DEPDC5: variants seen among roughly 807,000 people sequenced by gnomAD.
The protein encoded by DEPDC5 is GATOR1 complex protein DEPDC5.
DEPDC5 carries 73 observed loss-of-function variants against 217.3 expected under a neutral mutation model. The observed-to-expected ratio is 0.34, with a 90% CI of 0.28 to 0.41. The LOEUF is 0.41. Ranked by LOEUF, DEPDC5 falls within the 10% of genes least tolerant of loss-of-function variation. DEPDC5 has a pLI of 1.00. For missense variants in DEPDC5, 1,675 were observed against 2,070.1 expected, an observed-to-expected ratio of 0.81 and a Z score of 3.70; for synonymous variants, 733 against 756.7, an observed-to-expected ratio of 0.97 and a Z score of 0.51.
chr22:31,806,025 T>C (rs750866025), intron 17 of DEPDC5, 97 bp from the exon 18 acceptor site: 2 of 998,860 alleles, frequency 2.0e-6, no homozygotes, highest in East Asian at 2.4e-5. Flanking sequence ...ACAAAGCCCA[T>C]GTCAGGAGGG....
At chr22:31,901,905 A>T (rs544585741) in intron 41 of DEPDC5, 103 bp downstream of exon 41, 37 of 1,090,234 alleles carry the variant, frequency 3.4e-5, no homozygotes, top group Non-Finnish European at 4.8e-5. Flanking sequence ...AGAGAAAGGG[A>T]TGTATTCCAC....
At chr22:31,868,514 G>A (rs2092750232) in intron 33 of DEPDC5, among the ~76,000 whole-genome samples, 1 of 152,126 alleles carries the variant, frequency 6.6e-6, no homozygotes, top group Non-Finnish European at 1.5e-5. Flanking sequence ...AGCAACCTCC[G>A]CTTCCCGGGT....
chr22:31,877,962 T>A (rs1602659080), intron 37 of DEPDC5, among the ~76,000 whole-genome samples: 1 of 151,588 alleles, frequency 6.6e-6, no homozygotes, highest in South Asian at 2.1e-4. Context: ...CCGAGGTGGG[T>A]GGATCATGAG....
At position 31,804,848 on chromosome 22, in the gene DEPDC5, A is replaced by G; in HGVS notation, c.1150A>G (p.Asn384Asp). The G allele has an allele frequency of 6.2e-7, 1 of 1,613,824 alleles. No homozygotes were observed. The highest frequency in any genetic ancestry group is 8.5e-7 in the Non-Finnish European group (1 of 1,179,754). Residue 384 changes from asparagine to aspartate, a missense_variant, in exon 17 of 43, where the codon AAT (asparagine) becomes GAT (aspartate). Transcript: ENST00000651528. ...CTCATTTTTCTCCTTGCAGCTCCAT[A>G]ATCGGAGTGCTCCCCGTGATTCTCG... ...LHAVPLFKLHNRSAPRDSRLG... is the reference protein window; with the variant it reads ...LHAVPLFKLHDRSAPRDSRLG...
At chr22:31,806,241 TATC>T in intron 18 of DEPDC5, 50 bp downstream of exon 18, 1 of 1,504,494 alleles carries the variant, frequency 6.6e-7, no homozygotes, top group Non-Finnish European at 9.2e-7. Context: ...GGTCCAGTCT[TATC>T]TTGAGCTCCT....
chr22:31,793,764 G>T (rs1349115036), intron 12 of DEPDC5, among the ~76,000 whole-genome samples: 1 of 151,962 alleles, frequency 6.6e-6, no homozygotes, highest in Non-Finnish European at 1.5e-5. Flanking sequence ...TAGAGATGGG[G>T]TTCGCCATGT....
At chr22:31,754,235 A>G (rs895791399) in intron 1 of DEPDC5, 71 bp downstream of exon 1, 2 of 153,580 alleles carry the variant, frequency 1.3e-5, no homozygotes, top group African/African-American at 4.8e-5. Context: ...CCCAGGTTCG[A>G]GTTCCAGGCT....
intron 7 of DEPDC5, among the ~76,000 whole-genome samples, chr22:31,776,890 C>CT (rs1260353377): frequency 1.4e-4 from 22 of 151,744 alleles, no homozygotes; most frequent in African/African-American, 5.3e-4. Context: ...CTATCTACTT[C>CT]TTGCCCTCAA....
chr22:31,843,665 A>G lies in DEPDC5; in HGVS notation c.2654A>G (p.Gln885Arg), dbSNP rs2091535567. 2 of 1,607,776 alleles carry G rather than the reference A, an allele frequency of 1.2e-6. No individual in the cohort carries two copies. Among genetic ancestry groups the G allele is most frequent in the Non-Finnish European group, 1.7e-6 (2 of 1,174,986 alleles). ...YLPKYPYESAQIHYTYSLCPS... is the reference protein window; with the variant it reads ...YLPKYPYESARIHYTYSLCPS... ...TGCAGGTATCCTTATGAATCTGCCC[A>G]GATCCACTACACCTACAGCCTCTGT... The change falls in exon 29 of 43, where the codon CAG (glutamine) becomes CGG (arginine). Residue 885 changes from glutamine (Q) to arginine (R), a missense_variant. Around this residue, in one of 11 missense-constraint regions of DEPDC5, gnomAD observed 293 missense variants for 386.1 expected, o/e 0.76. Coordinates refer to ENST00000651528, the MANE Select transcript of DEPDC5 (RefSeq NM_001242896.3).
chr22:31,864,512 ATATATATATATATT>A (rs1466926546), intron 33 of DEPDC5, among the ~76,000 whole-genome samples: 7 of 139,178 alleles, frequency 5.0e-5, no homozygotes, highest in Non-Finnish European at 9.3e-5. Context: ...ATATATATAT[ATATATATATATATT>A]TATATATTTA....
chr22:31,825,492 C>T lies in DEPDC5; in HGVS notation c.2104+2702C>T, dbSNP rs115385017. 3.0e-3 allele frequency among the ~76,000 whole-genome samples: 454 copies of T among 152,182 alleles called. 1 individual carries two copies. Among genetic ancestry groups the T allele is most frequent in the African/African-American group, 9.1e-3 (378 of 41,500 alleles). On this transcript the variant is annotated intron_variant, in intron 24 of 42. Coordinates refer to ENST00000651528, the MANE Select transcript of DEPDC5 (RefSeq NM_001242896.3). ...CTGTAGGTGTGTCCACCTGATGGAC[C>T]TCTCTGCTCAGATGGCCCCCAAGTA...
intron 3 of DEPDC5, among the ~76,000 whole-genome samples, chr22:31,759,734 G>T (rs1042996339): frequency 2.1e-5 from 3 of 144,362 alleles, no homozygotes; most frequent in African/African-American, 7.8e-5. Flanking sequence ...CCAGGCTGGA[G>T]TGCAGTGGTG....
rs1423041181 is a variant in DEPDC5, at chr22:31,906,721, C to T, written c.*224C>T. ...CTTTGGAAGCAGCTGCTGCTGCTGC[C>T]ACCACTCCTGTCAGCAAGTGCTCAG... On this transcript the variant is annotated 3_prime_UTR_variant, in exon 43 of 43. Coordinates refer to ENST00000651528, the MANE Select transcript of DEPDC5 (RefSeq NM_001242896.3). The surrounding 1 kb of genome is among the most constrained non-coding windows in gnomAD (Gnocchi z 5.1). The T allele has an allele frequency of 6.5e-6, 4 of 618,536 alleles. No individual in the cohort carries two copies. Among genetic ancestry groups the T allele is most frequent in the South Asian group, 6.1e-5 (3 of 49,166 alleles). 38.3% of individuals were successfully genotyped at this position (618,536 alleles called of 1,614,324 possible).
intron 33 of DEPDC5, among the ~76,000 whole-genome samples, chr22:31,862,492 G>C (rs572902030): frequency 6.6e-6 from 1 of 152,262 alleles, no homozygotes; most frequent in East Asian, 1.9e-4. Flanking sequence ...TTGAACCCAG[G>C]AGGCAGAGGT....
chr22:31,897,477 G>T lies in DEPDC5; in HGVS notation c.4204-5G>T, dbSNP rs562015255. 3.5e-5 allele frequency: 57 copies of T among 1,607,152 alleles called. No homozygotes were observed. The highest frequency in any genetic ancestry group is 4.8e-5 in the Non-Finnish European group (56 of 1,176,158). On this transcript the variant is annotated splice_region_variant and splice_polypyrimidine_tract_variant and intron_variant, in intron 39 of 42. Transcript: ENST00000651528. The stretch of plus-strand genomic sequence containing the variant: ...GATATTGTTTGTTTCTGTACTTTCC[G>T]CCAGGTCCAAGGTTGGCATCGGAAA...
At chr22:31,807,748 G>T (rs1489037879) in intron 18 of DEPDC5, among the ~76,000 whole-genome samples, 2 of 152,128 alleles carry the variant, frequency 1.3e-5, no homozygotes, top group South Asian at 2.1e-4. Context: ...CGAAAAAGTG[G>T]TTTTGATGTA....
rs149750101 is a variant in DEPDC5, at chr22:31,881,638, G to A, written c.4033+1886G>A. Reference sequence around the variant, plus strand: ...AGCAACCTTGTGATTTTATGTCATGGGAGGACCTATTAGAAATAGCAAATA... The same window carrying A: ...AGCAACCTTGTGATTTTATGTCATGAGAGGACCTATTAGAAATAGCAAATA... On this transcript the variant is annotated intron_variant, in intron 38 of 42. Coordinates refer to ENST00000651528, the MANE Select transcript of DEPDC5 (RefSeq NM_001242896.3). Among the ~76,000 whole-genome samples the A allele has an allele frequency of 2.2e-3, 341 of 152,114 alleles. 3 individuals are homozygous for A. In the East Asian group the frequency reaches 0.037, roughly 16 times the overall value.
chr22:31,792,967 G>T, intron 12 of DEPDC5, 150 bp downstream of exon 12: 1 of 509,226 alleles, frequency 2.0e-6, no homozygotes, highest in Non-Finnish European at 3.1e-6. Flanking sequence ...CTACTTGGGA[G>T]GCTGAGGTGG....
Position 31,852,160 on chromosome 22 carries a change from C to T in DEPDC5, c.3155+5193C>T, listed in dbSNP as rs139125192. 4.4e-3 allele frequency among the ~76,000 whole-genome samples: 670 copies of T among 151,860 alleles called. 7 individuals are homozygous for T. Among genetic ancestry groups the T allele is most frequent in the Middle Eastern group, 0.02 (6 of 294 alleles). ...TCTGGGCGACAGCAAGACCCTGTCTCAATAAAAAATGAAAATAAAAATTTT... is the reference window on the plus strand; with the variant it reads ...TCTGGGCGACAGCAAGACCCTGTCTTAATAAAAAATGAAAATAAAAATTTT... On this transcript the variant is annotated intron_variant, in intron 31 of 42. Coordinates refer to ENST00000651528, the MANE Select transcript of DEPDC5 (RefSeq NM_001242896.3).
Sources: allele counts gnomAD v4.1 joint callset (sites outside exome capture counted in the v4.1 genomes callset), GRCh38; gene constraint gnomAD v4.1.1; regional missense constraint gnomAD v4.1.1; non-coding constraint Gnocchi (gnomAD v3.1); transcripts MANE v1.5; gene names NCBI Gene and HGNC (gene_info 2026-07-23, HGNC 2026-07-21).